ZNF714: variants seen among roughly 807,000 people sequenced by gnomAD.
ZNF714 encodes zinc finger protein 714.
Under a neutral mutation model 46.2 loss-of-function variants are expected in ZNF714, and 32 were observed. The ratio of observed to expected loss-of-function variants is 0.69; its 90% CI spans 0.52 to 0.93. ZNF714 has a LOEUF of 0.93. Ranked by LOEUF, ZNF714 falls within the 40% of genes least tolerant of loss-of-function variation. ZNF714 has a pLI of 0.00. For missense variants in ZNF714, 635 were observed against 646.3 expected (o/e 0.98, Z 0.19); for synonymous variants, 199 against 213.1 (o/e 0.93, Z 0.58).
intron 4 of ZNF714, among the ~76,000 whole-genome samples, chr19:21,105,849 G>A (rs1426020491): frequency 6.6e-6 from 1 of 152,048 alleles, no homozygotes; most frequent in Non-Finnish European, 1.5e-5. Context: ...CAGCTACTCG[G>A]GAGGCTGAGG....
rs762048743 is a variant in ZNF714, at chr19:21,117,016, C to A, written c.352C>A (p.Pro118Thr). ...CLTTTQSKIF[P>T]CDKYIKVFHK... ...GACAACTACCCAGAGCAAAATATTT[C>A]CATGTGATAAATATATAAAAGTCTT... Residue 118 changes from proline to threonine, a missense_variant, in exon 5 of 5, where the codon CCA becomes ACA. By Grantham distance (38) the Pro-to-Thr change is conservative. Transcript: ENST00000456283. 6.2e-7 allele frequency: 1 copy of A among 1,613,306 alleles called. No individual in the cohort carries two copies. The highest frequency in any genetic ancestry group is 1.1e-5 in the South Asian group (1 of 91,038).
At chr19:21,083,935 A>C in intron 1 of ZNF714, 43 bp from the exon 2 acceptor site, 1 of 1,087,406 alleles carries the variant, frequency 9.2e-7, no homozygotes. Flanking sequence ...TGTCAGCTAA[A>C]GTGCCTAGTG....
At chr19:21,090,251 G>T (rs1222671849) in intron 2 of ZNF714, among the ~76,000 whole-genome samples, 1 of 152,208 alleles carries the variant, frequency 6.6e-6, no homozygotes, top group Non-Finnish European at 1.5e-5. Context: ...GGTTGGGGAA[G>T]GCAAAGAGCT....
At chr19:21,098,993 T>G in intron 4 of ZNF714, 83 bp downstream of exon 4, 2 of 849,888 alleles carry the variant, frequency 2.4e-6, no homozygotes, top group South Asian at 2.3e-5. Context: ...GCCCTTACAA[T>G]GTGATTTGGG....
In ZNF714 at chr19:21,121,860, CA is replaced by C. The variant is rs1193317543; in HGVS notation, c.*3529del. 4 of 152,004 alleles carry C rather than the reference CA, an allele frequency of 2.6e-5. No individual in the cohort carries two copies. Among genetic ancestry groups the C allele is most frequent in the Admixed American group, 1.3e-4 (2 of 15,274 alleles). The allele number at this position is 152,004 out of a possible 1,614,324, so 9.4% of individuals were successfully genotyped here. On this transcript the variant is annotated 3_prime_UTR_variant, in exon 5 of 5. Transcript: ENST00000456283. ...AGACCCATACTTTTTTTGTTTCTTA[CA>C]TTTTTTTTGTTTTATGGTTTAGGAA...
intron 4 of ZNF714, among the ~76,000 whole-genome samples, chr19:21,114,002 T>C (rs1221890740): frequency 6.6e-6 from 1 of 152,210 alleles, no homozygotes; most frequent in Non-Finnish European, 1.5e-5. Flanking sequence ...ACTATTATTA[T>C]GTGGAAGTCT....
In ZNF714 at chr19:21,098,334, A is replaced by C. The variant is rs1422891525; in HGVS notation, c.43+23A>C. On this transcript the variant is annotated intron_variant, in intron 3 of 4. Coordinates refer to ENST00000456283, the MANE Select transcript of ZNF714 (RefSeq NM_182515.4). ...TGGGTGAGAATAACTTTAATACATA[A>C]GTCTTAATATACCCTAAACGTTTTA... 1.9e-6 allele frequency: 3 copies of C among 1,604,442 alleles called. No homozygotes were observed. The Admixed American group carries it at 5.3e-5, about 28-fold the overall frequency.
At chr19:21,116,045 T>C (rs73024657) in intron 4 of ZNF714, among the ~76,000 whole-genome samples, 11,864 of 152,080 alleles carry the variant, frequency 0.078, 520 homozygotes, top group Non-Finnish European at 0.086. Context: ...GTATTCATTG[T>C]AATCTTTGAT....
At position 21,117,386 on chromosome 19, in the gene ZNF714, C is replaced by A. The variant is rs753762128; in HGVS notation, c.722C>A (p.Ser241Tyr). The change falls in exon 5 of 5, where the codon TCT (serine) becomes TAT (tyrosine). Residue 241 changes from serine (S) to tyrosine (Y), a missense_variant. By Grantham distance (144) the Ser-to-Tyr change is moderately radical. Transcript: ENST00000456283. Reference sequence around the variant, plus strand: ...GAATGTGGCAAAGCCTTCTACCATTCTTCACACCTTACTACACATAAGGTA... The same window carrying A: ...GAATGTGGCAAAGCCTTCTACCATTATTCACACCTTACTACACATAAGGTA... ...CEECGKAFYH[S>Y]SHLTTHKVIH... 6.2e-7 allele frequency: 1 copy of A among 1,613,250 alleles called. No homozygotes were observed. Among genetic ancestry groups the A allele is most frequent in the Non-Finnish European group, 8.5e-7 (1 of 1,179,684 alleles).
intron 2 of ZNF714, among the ~76,000 whole-genome samples, chr19:21,086,193 A>G (rs1968774033): frequency 6.6e-6 from 1 of 152,148 alleles, no homozygotes; most frequent in Admixed American, 6.5e-5. Context: ...ACTGAAGACA[A>G]ATTCAGCTGA....
chr19:21,117,321 T>C lies in ZNF714; in HGVS notation c.657T>C (p.His219=), dbSNP rs141224149. The part of the protein sequence containing the change: ...AFKHSSTLTT[H]KMIHTGEKPY... ...AGCACTCCTCAACCCTTACTACACA[T>C]AAGATGATTCATACTGGAGAGAAAC... The change falls in exon 5 of 5, where the codon CAT becomes CAC. Residue 219 remains histidine, a synonymous_variant. Coordinates refer to ENST00000456283, the MANE Select transcript of ZNF714 (RefSeq NM_182515.4). The C allele has an allele frequency of 4.0e-3, 6,397 of 1,612,032 alleles. 325 individuals carry two copies. In the Admixed American group the frequency reaches 0.09, roughly 23 times the overall value.
At chr19:21,114,746 T>G (rs537972423) in intron 4 of ZNF714, among the ~76,000 whole-genome samples, 2 of 152,246 alleles carry the variant, frequency 1.3e-5, no homozygotes, top group African/African-American at 4.8e-5. Context: ...GCATCATTCA[T>G]CTTTGTACTT....
At chr19:21,098,730 T>C (rs945425763) in intron 3 of ZNF714, 82 bp from the exon 4 acceptor site, 136 of 831,386 alleles carry the variant, frequency 1.6e-4, no homozygotes, top group Non-Finnish European at 2.3e-4. Flanking sequence ...AAATATTCTA[T>C]TATATCCTTT....
intron 1 of ZNF714, 93 bp downstream of exon 1, chr19:21,082,441 G>C (rs976661912): frequency 1.6e-6 from 2 of 1,271,052 alleles, no homozygotes; most frequent in Non-Finnish European, 2.2e-6. Flanking sequence ...CCTCCCCGCA[G>C]TCAACTCTAC....
chr19:21,114,623 T>C (rs180851768), intron 4 of ZNF714, among the ~76,000 whole-genome samples: 2 of 152,302 alleles, frequency 1.3e-5, no homozygotes, highest in Admixed American at 6.5e-5. Flanking sequence ...TGTCTTTCAA[T>C]TGAGGCATTC....
Position 21,116,809 on chromosome 19 carries a change from A to C in ZNF714, c.145A>C (p.Met49Leu). ...TTTGTTGTTTGTATTTCTTTCAGCT[A>C]TGTGTTCTTCTTTTACCAGAGACCT... ...ICEMVDESPAMCSSFTRDLWP... is the reference protein window; with the variant it reads ...ICEMVDESPALCSSFTRDLWP... The change falls in exon 5 of 5, where the codon ATG becomes CTG. Residue 49 changes from methionine to leucine, a missense_variant and splice_region_variant. Transcript: ENST00000456283. 1.3e-6 allele frequency: 2 copies of C among 1,583,720 alleles called. No homozygotes were observed. The highest frequency in any genetic ancestry group is 1.7e-6 in the Non-Finnish European group (2 of 1,170,326).
chr19:21,103,636 G>A (rs1212548265), intron 4 of ZNF714, among the ~76,000 whole-genome samples: 2 of 152,018 alleles, frequency 1.3e-5, no homozygotes, highest in Admixed American at 6.6e-5. Context: ...AGGGCCAGAC[G>A]TGGTGGCTCA....
At position 21,110,869 on chromosome 19, in the gene ZNF714, C is replaced by G. The variant is rs142424401; in HGVS notation, c.143-5938C>G. Among the ~76,000 whole-genome samples the G allele has an allele frequency of 8.3e-3, 1,258 of 152,224 alleles. 7 individuals carry two copies. The highest frequency in any genetic ancestry group is 0.014 in the Non-Finnish European group (920 of 68,006). Reference sequence around the variant, plus strand: ...TCCTTTTCCCATTTCTTGTTTTTGTCAGGTTTTTCAAAGATCAGATGGTTG... The same window carrying G: ...TCCTTTTCCCATTTCTTGTTTTTGTGAGGTTTTTCAAAGATCAGATGGTTG... On this transcript the variant is annotated intron_variant, in intron 4 of 4. Coordinates refer to ENST00000456283, the MANE Select transcript of ZNF714 (RefSeq NM_182515.4).
rs1969684512 is a variant in ZNF714, at chr19:21,120,297, C to T, written c.*1965C>T. 6.6e-6 allele frequency: 1 copy of T among 152,140 alleles called. No individual in the cohort carries two copies. Among genetic ancestry groups the T allele is most frequent in the South Asian group, 2.1e-4 (1 of 4,824 alleles). 9.4% of individuals were successfully genotyped at this position (152,140 alleles called of 1,614,324 possible). On this transcript the variant is annotated 3_prime_UTR_variant, in exon 5 of 5. Coordinates refer to ENST00000456283, the MANE Select transcript of ZNF714 (RefSeq NM_182515.4). ...CCTTGTGATCCACCCACCTTGGCCT[C>T]CAAAGGTGCTGGGATTACACAGGCA...
Sources: allele counts gnomAD v4.1 joint callset (sites outside exome capture counted in the v4.1 genomes callset), GRCh38; gene constraint gnomAD v4.1.1; transcripts MANE v1.5; gene names NCBI Gene and HGNC (gene_info 2026-07-23, HGNC 2026-07-21).